The following CDH18 variants were observed in gnomAD, a reference collection of about 807,000 sequenced individuals.
CDH18 encodes cadherin 18.
Under a neutral mutation model 67.9 loss-of-function variants are expected in CDH18, and 31 were observed. The ratio of observed to expected loss-of-function variants is 0.46; its 90% confidence interval spans 0.34 to 0.62. The LOEUF is 0.62. Ranked by LOEUF, CDH18 falls within the 20% of genes least tolerant of loss-of-function variation. CDH18 has a pLI of 0.01. For missense variants in CDH18, 890 were observed against 975.5 expected (o/e 0.91, Z 1.17); for synonymous variants, 362 against 347.2 (o/e 1.04, Z -0.48).
At chr5:19,662,117 T>G (rs948135573) in intron 5 of CDH18, among the ~76,000 whole-genome samples, 1 of 147,998 alleles carries the variant, frequency 6.8e-6, no homozygotes, top group Middle Eastern at 3.4e-3. Flanking sequence ...TTCACTGATT[T>G]TTTTTTTACA....
At chr5:19,749,326 T>A (rs1445629238) in intron 3 of CDH18, among the ~76,000 whole-genome samples, 2 of 151,512 alleles carry the variant, frequency 1.3e-5, no homozygotes, top group Non-Finnish European at 3.0e-5. Context: ...GTTGTTATAT[T>A]ATATATAAAT....
intron 1 of CDH18, among the ~76,000 whole-genome samples, chr5:20,318,812 G>A (rs1336350616): frequency 6.6e-6 from 1 of 152,074 alleles, no homozygotes; most frequent in Non-Finnish European, 1.5e-5. Flanking sequence ...CAATGTGCAG[G>A]TTTGTTACAT....
chr5:19,719,960 G>A (rs6897519), intron 5 of CDH18, among the ~76,000 whole-genome samples: 56 of 100,466 alleles, frequency 5.6e-4, no homozygotes, highest in African/African-American at 2.5e-3. Context: ...AAAGAAAGAA[G>A]GAAAGAGTTA....
intron 3 of CDH18, among the ~76,000 whole-genome samples, chr5:19,791,443 T>C (rs1004315769): frequency 2.0e-5 from 3 of 151,860 alleles, no homozygotes; most frequent in African/African-American, 7.3e-5. Context: ...TTTCTCTTGA[T>C]AAAGTTGTAT....
chr5:19,863,022 G>GA (rs1441971904), intron 2 of CDH18, among the ~76,000 whole-genome samples: 1 of 30,914 alleles, frequency 3.2e-5, no homozygotes, highest in African/African-American at 9.3e-5. Context: ...TTTTAACGGG[G>GA]GAAAAAATGG....
intron 10 of CDH18, among the ~76,000 whole-genome samples, chr5:19,505,440 G>T (rs985984940): frequency 3.9e-5 from 6 of 151,996 alleles, no homozygotes; most frequent in African/African-American, 9.7e-5. Flanking sequence ...TTCAGTATGA[G>T]ATTGGCTGTG....
At chr5:19,506,744 A>G (rs1476670084) in intron 10 of CDH18, among the ~76,000 whole-genome samples, 1 of 152,206 alleles carries the variant, frequency 6.6e-6, no homozygotes, top group East Asian at 1.9e-4. Context: ...ACCTTATACA[A>G]AAATTAATTC....
intron 2 of CDH18, among the ~76,000 whole-genome samples, chr5:20,185,826 C>T (rs1738054440): frequency 6.6e-6 from 1 of 151,476 alleles, no homozygotes; most frequent in East Asian, 2.0e-4. Context: ...TCCCCCTTCC[C>T]ACTAGATTCT....
intron 2 of CDH18, among the ~76,000 whole-genome samples, chr5:20,185,309 G>A (rs150122893): frequency 3.9e-4 from 59 of 152,070 alleles, no homozygotes; most frequent in African/African-American, 1.0e-3. Context: ...AGCATCCTAC[G>A]TGATCAATCT....
At chr5:20,401,424 C>A (rs768506135) in intron 1 of CDH18, among the ~76,000 whole-genome samples, 7 of 152,026 alleles carry the variant, frequency 4.6e-5, no homozygotes, top group African/African-American at 1.2e-4. Context: ...GAGTTTCCAA[C>A]TTTTACCTTA....
At chr5:20,546,671 C>A (rs1757362274) in intron 1 of CDH18, among the ~76,000 whole-genome samples, 1 of 152,000 alleles carries the variant, frequency 6.6e-6, no homozygotes. Flanking sequence ...TCACATCCCT[C>A]CCTGGATATG....
At chr5:19,830,954 A>G (rs1186481236) in intron 3 of CDH18, among the ~76,000 whole-genome samples, 2 of 152,090 alleles carry the variant, frequency 1.3e-5, no homozygotes, top group Non-Finnish European at 2.9e-5. Flanking sequence ...CACATACTTC[A>G]TGTTCTCATT....
intron 1 of CDH18, among the ~76,000 whole-genome samples, chr5:20,341,298 G>T (rs905918982): frequency 6.6e-6 from 1 of 151,982 alleles, no homozygotes; most frequent in Admixed American, 6.6e-5. Context: ...ATATAAAGCA[G>T]GTGGAAAAAC....
At chr5:20,475,858 G>C (rs1245886066) in intron 1 of CDH18, among the ~76,000 whole-genome samples, 1 of 152,120 alleles carries the variant, frequency 6.6e-6, no homozygotes, top group East Asian at 1.9e-4. Context: ...AATATTAGAG[G>C]CTTGCATAAA....
intron 12 of CDH18, among the ~76,000 whole-genome samples, chr5:19,474,847 T>C (rs1738169315): frequency 6.6e-6 from 1 of 152,232 alleles, no homozygotes; most frequent in East Asian, 1.9e-4. Context: ...GATAGAAATG[T>C]GTCTTGGGAA....
At chr5:19,739,496 G>A (rs185835680) in intron 4 of CDH18, among the ~76,000 whole-genome samples, 4 of 152,282 alleles carry the variant, frequency 2.6e-5, no homozygotes, top group Admixed American at 2.0e-4. Context: ...ACAGCGCAAT[G>A]TATGACCCTA....
intron 10 of CDH18, among the ~76,000 whole-genome samples, chr5:19,504,898 T>G (rs899586498): frequency 3.3e-5 from 5 of 152,112 alleles, no homozygotes; most frequent in African/African-American, 7.2e-5. Flanking sequence ...CAGTTTATGG[T>G]TTCTGTTATC....
rs34595480 is a variant in CDH18 at position 20,103,568 on chromosome 5, A to C, written c.-517-111554T>G. ...GTGAAACCCTGTCTCTACTAAAAAT[A>C]CAAAAAAAAAAAAAAAAAGCTGGGA... On this transcript the variant is annotated intron_variant, in intron 2 of 14. Transcript: ENST00000507958. Among the ~76,000 whole-genome samples, 29 of 114,136 alleles carry C rather than the reference A, an allele frequency of 2.5e-4. 2 individuals are homozygous for C. The South Asian group carries it at 4.4e-3, about 17-fold the overall frequency. 74.9% of individuals were successfully genotyped at this position (114,136 alleles called of 152,430 possible).
chr5:20,385,899 T>C (rs1464956200), intron 1 of CDH18, among the ~76,000 whole-genome samples: 1 of 152,194 alleles, frequency 6.6e-6, no homozygotes. Flanking sequence ...CTTCTAATGA[T>C]AAAGACATAT....
Sources: allele counts gnomAD v4.1 joint callset (sites outside exome capture counted in the v4.1 genomes callset), GRCh38; gene constraint gnomAD v4.1.1; transcripts MANE v1.5; gene names NCBI Gene and HGNC (gene_info 2026-07-23, HGNC 2026-07-21).